Variants in PYHIN1 observed in about 807,000 individuals in gnomAD.
PYHIN1 encodes the protein pyrin and HIN domain family member 1.
A neutral mutation model predicts 43.7 loss-of-function variants in PYHIN1; 32 were observed. The observed-to-expected ratio is 0.73, with a 90% CI of 0.55 to 0.98. The LOEUF (loss-of-function observed/expected upper bound fraction) is 0.98. Among genes scored for constraint, PYHIN1 ranks in the 50% least tolerant of loss-of-function variants. The pLI is 0.00. For synonymous variants in PYHIN1, 205 were observed against 203.1 expected, an observed-to-expected ratio of 1.01 and a Z score of -0.08; for missense variants, 588 against 589.5, an observed-to-expected ratio of 1.00 and a Z score of 0.03.
the PYHIN1 span, among the ~76,000 whole-genome samples, chr1:158,987,837 A>C: frequency 6.6e-6 from 1 of 152,226 alleles, no homozygotes; most frequent in Admixed American, 6.5e-5. Flanking sequence ...TGTGGATTTT[A>C]AAATAGTGTC....
At chr1:158,964,782 C>G (rs933155628) in intron 7 of PYHIN1, among the ~76,000 whole-genome samples, 1 of 152,116 alleles carries the variant, frequency 6.6e-6, no homozygotes, top group Non-Finnish European at 1.5e-5. Flanking sequence ...ACTACAGAAA[C>G]ACAATTAAGT....
At chr1:158,958,369 A>G (rs1239258554) in intron 7 of PYHIN1, among the ~76,000 whole-genome samples, 1 of 138,472 alleles carries the variant, frequency 7.2e-6, no homozygotes, top group Non-Finnish European at 1.6e-5. Context: ...ATGTCCAACA[A>G]TGATAGACTG....
Position 158,933,687 on chromosome 1 carries a change from C to T in PYHIN1, c.-21+1911C>T, listed in dbSNP as rs1215652500. Among the ~76,000 whole-genome samples the T allele has an allele frequency of 6.6e-6, 1 of 151,978 alleles. No homozygotes were observed. Among genetic ancestry groups the T allele is most frequent in the Non-Finnish European group, 1.5e-5 (1 of 67,960 alleles). ...CAATTTATAACACTTCTATATTCTCCTACTTGTCTGTTTTTAAAACTTATA... is the reference window on the plus strand; with the variant it reads ...CAATTTATAACACTTCTATATTCTCTTACTTGTCTGTTTTTAAAACTTATA... On this transcript the variant is annotated intron_variant, in intron 1 of 8. Transcript: ENST00000368140. The surrounding 1 kb of genome is among the most constrained non-coding windows in gnomAD (Gnocchi z 6.3).
At chr1:158,947,289 AG>A (rs1303568478) in intron 7 of PYHIN1, among the ~76,000 whole-genome samples, 2 of 152,186 alleles carry the variant, frequency 1.3e-5, no homozygotes, top group Non-Finnish European at 2.9e-5. Context: ...TTGTTGGTCC[AG>A]GTGTAGAGAG....
At chr1:158,969,257 G>A (rs77494847) in intron 7 of PYHIN1, among the ~76,000 whole-genome samples, 11 of 151,998 alleles carry the variant, frequency 7.2e-5, no homozygotes, top group East Asian at 3.9e-4. Context: ...GCAAGGCTTC[G>A]CATGAGAAAT....
At chr1:158,978,689 A>T (rs910251011), downstream of PYHIN1, among the ~76,000 whole-genome samples, 7 of 152,074 alleles carry the variant, frequency 4.6e-5, no homozygotes, top group African/African-American at 9.7e-5. Flanking sequence ...GTGTTTGCTG[A>T]TTTCTCCCTG....
intron 1 of PYHIN1, among the ~76,000 whole-genome samples, chr1:158,934,708 T>C (rs1256347476): frequency 6.6e-6 from 1 of 152,214 alleles, no homozygotes. Flanking sequence ...TTTTCTATAA[T>C]TAAAATATTT....
chr1:158,955,550 C>T (rs1248702693), intron 7 of PYHIN1, among the ~76,000 whole-genome samples: 20 of 150,966 alleles, frequency 1.3e-4, no homozygotes, highest in Admixed American at 8.6e-4. Flanking sequence ...TTCTTTGAAA[C>T]CAACGAGAAC....
chr1:158,973,735 C>T lies in PYHIN1; in HGVS notation c.1448C>T (p.Thr483Ile), dbSNP rs761680536. The change falls in exon 8 of 9, where the codon ACT becomes ATT. Residue 483 changes from threonine to isoleucine, a missense_variant. By Grantham distance (89) the Thr-to-Ile change is moderately conservative. Coordinates refer to ENST00000368140, the MANE Select transcript of PYHIN1 (RefSeq NM_152501.5). Reference protein sequence around the residue: ...PTVAPPLSSDTSTNRHPAVP With the variant: ...PTVAPPLSSDISTNRHPAVP ...GTGGCCCCTCCTCTTTCTTCTGACA[C>T]TTCCACCAACCGCCATCCAGCAGTT... 5 of 1,613,074 alleles carry T rather than the reference C, an allele frequency of 3.1e-6. No individual in the cohort carries two copies. In the African/African-American group the frequency reaches 4.0e-5, roughly 13 times the overall value.
At chr1:158,959,095 G>A (rs767440492) in intron 7 of PYHIN1, among the ~76,000 whole-genome samples, 3 of 151,078 alleles carry the variant, frequency 2.0e-5, no homozygotes, top group Non-Finnish European at 2.9e-5. Context: ...TTTCACCTTC[G>A]TTTTTGGGAG....
chr1:158,939,618 C>T (rs983372676), intron 4 of PYHIN1: 2 of 1,185,140 alleles, frequency 1.7e-6, no homozygotes, highest in Non-Finnish European at 2.5e-6. Context: ...GATTTTCACA[C>T]ACCATATTTC....
At chr1:158,969,165 G>A (rs1392475819) in intron 7 of PYHIN1, among the ~76,000 whole-genome samples, 1 of 151,952 alleles carries the variant, frequency 6.6e-6, no homozygotes, top group Admixed American at 6.6e-5. Flanking sequence ...GAATGTAGAT[G>A]TTAAAATTTC....
chr1:158,973,599 T>G, intron 7 of PYHIN1, 48 bp from the exon 8 acceptor site: 2 of 1,606,896 alleles, frequency 1.2e-6, no homozygotes, highest in Non-Finnish European at 1.7e-6. Flanking sequence ...AAACCAGTTC[T>G]TTCTGTCATA....
Position 158,938,381 on chromosome 1 carries a change from C to G in PYHIN1, c.266-16C>G, listed in dbSNP as rs1648692807. 1 of 1,613,944 alleles carries G rather than the reference C, an allele frequency of 6.2e-7. No homozygotes were observed. The highest frequency in any genetic ancestry group is 8.5e-7 in the Non-Finnish European group (1 of 1,179,870). On this transcript the variant is annotated splice_polypyrimidine_tract_variant and intron_variant, in intron 2 of 8. Transcript: ENST00000368140. ...ATCTGCTCTGGGTTTATACATCTTCCTTTTTTCTGCATTAGTTGCAAATAA... is the reference window on the plus strand; with the variant it reads ...ATCTGCTCTGGGTTTATACATCTTCGTTTTTTCTGCATTAGTTGCAAATAA...
intron 7 of PYHIN1, among the ~76,000 whole-genome samples, chr1:158,963,340 G>T (rs1427962332): frequency 6.6e-6 from 1 of 152,106 alleles, no homozygotes; most frequent in Non-Finnish European, 1.5e-5. Context: ...CCCATCTTTG[G>T]CCAATTGCAC....
chr1:158,947,994 T>C (rs1649317821), intron 7 of PYHIN1, among the ~76,000 whole-genome samples: 1 of 152,254 alleles, frequency 6.6e-6, no homozygotes, highest in African/African-American at 2.4e-5. Context: ...AGAAGATTTG[T>C]GTCTATGTCC....
At chr1:158,959,799 A>T (rs1232620032) in intron 7 of PYHIN1, among the ~76,000 whole-genome samples, 3 of 152,168 alleles carry the variant, frequency 2.0e-5, no homozygotes, top group African/African-American at 7.2e-5. Flanking sequence ...ATAAGCTCAG[A>T]TGGTAGGTAG....
chr1:158,939,527 CCATCTAT>C, intron 4 of PYHIN1: 1 of 1,550,216 alleles, frequency 6.5e-7, no homozygotes, highest in Middle Eastern at 1.7e-4. Context: ...TCTACTGCCC[CCATCTAT>C]TATACACCCA....
chr1:158,939,715 G>T (rs1648796808), intron 4 of PYHIN1: 2 of 598,622 alleles, frequency 3.3e-6, no homozygotes, highest in Non-Finnish European at 6.0e-6. Context: ...TCCTCACTTA[G>T]ACCCCTGTAA....
Sources: allele counts gnomAD v4.1 joint callset (sites outside exome capture counted in the v4.1 genomes callset), GRCh38; gene constraint gnomAD v4.1.1; non-coding constraint Gnocchi (gnomAD v3.1); transcripts MANE v1.5; gene names NCBI Gene and HGNC (gene_info 2026-07-23, HGNC 2026-07-21).